Variants in CRY1 observed in about 807,000 individuals in gnomAD.
CRY1 encodes cryptochrome circadian regulator 1.
A neutral mutation model predicts 76.0 loss-of-function variants in CRY1; 45 were observed. The ratio of observed to expected loss-of-function variants is 0.59; its 90% confidence interval spans 0.47 to 0.76. The LOEUF is 0.76. Among genes scored for constraint, CRY1 ranks in the 30% least tolerant of loss-of-function variants. CRY1 has a pLI of 0.00. For missense variants in CRY1, 587 were observed against 716.4 expected (o/e 0.82, Z 2.06); for synonymous variants, 248 against 244.0 (o/e 1.02, Z -0.15).
At chr12:107,060,093 T>C (rs1236063749) in intron 1 of CRY1, among the ~76,000 whole-genome samples, 1 of 152,232 alleles carries the variant, frequency 6.6e-6, no homozygotes, top group Non-Finnish European at 1.5e-5. Flanking sequence ...TTGATATTAA[T>C]ATACATTTTA....
At chr12:107,041,330 A>T (rs950790344) in intron 1 of CRY1, among the ~76,000 whole-genome samples, 2 of 152,214 alleles carry the variant, frequency 1.3e-5, no homozygotes, top group African/African-American at 4.8e-5. Flanking sequence ...CACATAAAAA[A>T]GGAAAGCAAT....
chr12:107,043,621 T>C (rs1749926841), intron 1 of CRY1, among the ~76,000 whole-genome samples: 1 of 152,194 alleles, frequency 6.6e-6, no homozygotes, highest in African/African-American at 2.4e-5. Context: ...TCTAGTATCC[T>C]GCTTCTGTGG....
chr12:107,064,236 A>T (rs927557506), intron 1 of CRY1, among the ~76,000 whole-genome samples: 1 of 152,242 alleles, frequency 6.6e-6, no homozygotes, highest in Non-Finnish European at 1.5e-5. Flanking sequence ...CAATATCCAG[A>T]ATACATAAAG....
chr12:107,080,724 G>A (rs1953312268), intron 1 of CRY1, among the ~76,000 whole-genome samples: 2 of 152,104 alleles, frequency 1.3e-5, no homozygotes, highest in Admixed American at 1.3e-4. Flanking sequence ...GATAAAAATA[G>A]TTTTGGTAGA....
At chr12:107,081,327 A>C (rs1953322539) in intron 1 of CRY1, among the ~76,000 whole-genome samples, 1 of 152,096 alleles carries the variant, frequency 6.6e-6, no homozygotes, top group Admixed American at 6.6e-5. Context: ...CCTCAACCTT[A>C]GATTTATAAG....
At chr12:107,005,847 T>G (rs1593497331) in intron 2 of CRY1, among the ~76,000 whole-genome samples, 1 of 152,346 alleles carries the variant, frequency 6.6e-6, no homozygotes, top group South Asian at 2.1e-4. Flanking sequence ...AGCAGTTACT[T>G]ATTATCAGGA....
chr12:107,092,088 G>C (rs1450031688), intron 1 of CRY1, among the ~76,000 whole-genome samples: 1 of 152,136 alleles, frequency 6.6e-6, no homozygotes, highest in Non-Finnish European at 1.5e-5. Flanking sequence ...CATGCTAAGT[G>C]ATCAAGAGTC....
At chr12:107,026,157 A>ACATATATATGTTATATATTTTATATATGT (rs1160937379) in intron 1 of CRY1, among the ~76,000 whole-genome samples, 1 of 75,702 alleles carries the variant, frequency 1.3e-5, no homozygotes, top group African/African-American at 5.9e-5. Flanking sequence ...TATATATATA[A>ACATATATATGTTATATATTTTATATATGT]AATATATATA....
At chr12:107,078,075 G>A (rs1026824340) in intron 1 of CRY1, among the ~76,000 whole-genome samples, 4 of 152,168 alleles carry the variant, frequency 2.6e-5, no homozygotes, top group South Asian at 2.1e-4. Context: ...ATAAGAATCT[G>A]ATTTACTATT....
chr12:107,026,242 C>G (rs1014256622), intron 1 of CRY1, among the ~76,000 whole-genome samples: 6 of 100,748 alleles, frequency 6.0e-5, no homozygotes, highest in Admixed American at 1.1e-4. Flanking sequence ...CCCCATCTCT[C>G]TCTTTCTGAG....
intron 1 of CRY1, among the ~76,000 whole-genome samples, chr12:107,029,193 T>C (rs1343628343): frequency 1.3e-5 from 2 of 151,928 alleles, no homozygotes; most frequent in Non-Finnish European, 2.9e-5. Flanking sequence ...ATGCACACTA[T>C]GGCACCTAGA....
At chr12:107,018,065 T>C (rs2136840543) in intron 2 of CRY1, among the ~76,000 whole-genome samples, 2 of 152,362 alleles carry the variant, frequency 1.3e-5, no homozygotes, top group South Asian at 4.1e-4. Context: ...CACAGCCTTG[T>C]ATATAGCAGG....
At position 107,001,853 on chromosome 12, in the gene CRY1, G is replaced by C. The variant is rs1436633707; in HGVS notation, c.506C>G (p.Thr169Arg). The stretch of plus-strand genomic sequence containing the variant: ...CTTTTCTATCACTTCTGAAGTAATT[G>C]TCTCTACTGGTATCTCTAGTGGTTC... ...KMEPLEIPVE[T>R]ITSEVIEKCT... The change falls in exon 4 of 13, where the codon ACA (threonine) becomes AGA (arginine). Residue 169 changes from threonine to arginine, a missense_variant. By Grantham distance (71) the Thr-to-Arg change is moderately conservative (BLOSUM62 -1). Transcript: ENST00000008527. 2.7e-5 allele frequency: 43 copies of C among 1,594,676 alleles called. No individual in the cohort carries two copies. Among genetic ancestry groups the C allele is most frequent in the Non-Finnish European group, 3.7e-5 (43 of 1,175,524 alleles).
rs764586353 is a variant in CRY1 at position 106,999,875 on chromosome 12, A to G, written c.826-13T>C. 3 of 1,598,346 alleles carry G rather than the reference A, an allele frequency of 1.9e-6. No homozygotes were observed. Among genetic ancestry groups the G allele is most frequent in the Non-Finnish European group, 1.7e-6 (2 of 1,174,884 alleles). ...TGTTCTTCTTTACCTATGGTTAAAA[A>G]GCAAAGAAGTATTATCAGAATTTTT... On this transcript the variant is annotated splice_polypyrimidine_tract_variant and intron_variant, in intron 6 of 12. Coordinates refer to ENST00000008527, the MANE Select transcript of CRY1 (RefSeq NM_004075.5).
At chr12:107,057,020 G>A (rs1170162410) in intron 1 of CRY1, among the ~76,000 whole-genome samples, 2 of 152,024 alleles carry the variant, frequency 1.3e-5, no homozygotes, top group African/African-American at 2.4e-5. Context: ...CAGAAGTAAA[G>A]TGATTACAGA....
At chr12:107,083,967 G>A (rs1953362186) in intron 1 of CRY1, among the ~76,000 whole-genome samples, 1 of 152,134 alleles carries the variant, frequency 6.6e-6, no homozygotes, top group South Asian at 2.1e-4. Flanking sequence ...AACTCCTTAA[G>A]CTGATAAGCA....
chr12:107,047,206 A>G (rs193228102), intron 1 of CRY1, among the ~76,000 whole-genome samples: 62 of 152,338 alleles, frequency 4.1e-4, no homozygotes, highest in Non-Finnish European at 7.8e-4. Context: ...TAAAATTATA[A>G]ATCACTACAA....
chr12:107,022,236 T>A, intron 1 of CRY1, 44 bp from the exon 2 acceptor site: 1 of 1,163,746 alleles, frequency 8.6e-7, no homozygotes, highest in Non-Finnish European at 1.2e-6. Flanking sequence ...AAAATACATA[T>A]TTAGAAGACA....
chr12:107,014,321 T>C (rs542552304), intron 2 of CRY1, among the ~76,000 whole-genome samples: 1 of 151,914 alleles, frequency 6.6e-6, no homozygotes, highest in South Asian at 2.1e-4. Flanking sequence ...CACCAGAGGG[T>C]GTATGTAGGC....
Sources: gnomAD v4.1 joint callset for allele counts (sites outside exome capture counted in the v4.1 genomes callset) on GRCh38, gnomAD v4.1.1 for gene constraint, MANE v1.5 for transcripts, NCBI Gene and HGNC (gene_info 2026-07-23, HGNC 2026-07-21) for gene names.